Variants in CCDC192 observed in about 807,000 individuals in gnomAD.
The protein encoded by CCDC192 is coiled-coil domain containing 192, also known as coiled-coil domain-containing protein 192.
chr5:127,767,091 G>A (rs563074082), intron 3 of CCDC192, among the ~76,000 whole-genome samples: 6 of 152,300 alleles, frequency 3.9e-5, no homozygotes, highest in African/African-American at 1.4e-4. Context: ...CCCCAAACTG[G>A]AAAGTAGAGA....
chr5:127,779,505 C>T (rs561258435), intron 3 of CCDC192, among the ~76,000 whole-genome samples: 11 of 151,258 alleles, frequency 7.3e-5, no homozygotes, highest in East Asian at 3.9e-4. Context: ...CTGTGTTAGC[C>T]GGGACAGTCT....
At chr5:127,721,147 G>A (rs1453936162) in intron 2 of CCDC192, among the ~76,000 whole-genome samples, 2 of 152,188 alleles carry the variant, frequency 1.3e-5, no homozygotes, top group Non-Finnish European at 2.9e-5. Flanking sequence ...TGGCTGGGCT[G>A]CAAATTTTCC....
At chr5:127,781,388 G>A (rs540168552) in intron 3 of CCDC192, among the ~76,000 whole-genome samples, 2 of 152,104 alleles carry the variant, frequency 1.3e-5, no homozygotes, top group East Asian at 1.9e-4. Flanking sequence ...TATTTTGATG[G>A]GAATTGTGTT....
At chr5:127,801,268 G>A (rs1249121085) in intron 5 of CCDC192, among the ~76,000 whole-genome samples, 1 of 152,186 alleles carries the variant, frequency 6.6e-6, no homozygotes, top group Non-Finnish European at 1.5e-5. Context: ...ATAACTTGAA[G>A]TATTAATAAG....
In CCDC192 at chr5:127,920,705, C is replaced by T. The variant is rs570891695; in HGVS notation, c.536-20477C>T. Reference sequence around the variant, plus strand: ...GGATTACAGGCATGAGCCACCGCGCCCGGCTGCTAAAGAGGTATTAATAAG... The same window carrying T: ...GGATTACAGGCATGAGCCACCGCGCTCGGCTGCTAAAGAGGTATTAATAAG... On this transcript the variant is annotated intron_variant, in intron 6 of 6. Transcript: ENST00000514853. Among the ~76,000 whole-genome samples, 30 of 152,122 alleles carry T rather than the reference C, an allele frequency of 2.0e-4. No individual in the cohort carries two copies. The South Asian group carries it at 6.0e-3, about 31-fold the overall frequency.
At chr5:127,910,696 A>G (rs1753322139) in intron 6 of CCDC192, among the ~76,000 whole-genome samples, 1 of 152,198 alleles carries the variant, frequency 6.6e-6, no homozygotes, top group African/African-American at 2.4e-5. Context: ...AGCCACAGGA[A>G]AGGTGGTATC....
At chr5:127,812,055 C>G (rs1758111857) in intron 5 of CCDC192, among the ~76,000 whole-genome samples, 1 of 152,140 alleles carries the variant, frequency 6.6e-6, no homozygotes, top group Non-Finnish European at 1.5e-5. Flanking sequence ...ATTGCTTGAT[C>G]CTGAGGCTTA....
chr5:127,800,391 AAAAAAAAAAACAAC>A (rs1483885020), intron 5 of CCDC192, among the ~76,000 whole-genome samples: 1 of 139,326 alleles, frequency 7.2e-6, no homozygotes, highest in African/African-American at 2.5e-5. Context: ...AAAAAAAAAA[AAAAAAAAAAACAAC>A]AACAACAAAA....
At chr5:127,930,859 C>T (rs1221204672) in intron 6 of CCDC192, among the ~76,000 whole-genome samples, 2 of 152,206 alleles carry the variant, frequency 1.3e-5, no homozygotes, top group Non-Finnish European at 1.5e-5. Flanking sequence ...TGGGGCCTAC[C>T]CCCACCTTCC....
intron 6 of CCDC192, among the ~76,000 whole-genome samples, chr5:127,895,091 C>G (rs1752842475): frequency 6.6e-6 from 1 of 152,134 alleles, no homozygotes; most frequent in Admixed American, 6.5e-5. Flanking sequence ...ACAGATCATT[C>G]CATCACCTAG....
chr5:127,786,463 A>G (rs1756542585), intron 3 of CCDC192: 2 of 630,312 alleles, frequency 3.2e-6, no homozygotes, highest in Non-Finnish European at 5.9e-6. Flanking sequence ...ACAGTTTTGT[A>G]TTGATGGTTT....
At chr5:127,936,491 C>A (rs1452610132) in intron 6 of CCDC192, among the ~76,000 whole-genome samples, 1 of 152,170 alleles carries the variant, frequency 6.6e-6, no homozygotes, top group Non-Finnish European at 1.5e-5. Context: ...TCTAACCCTG[C>A]CCAATTCCCA....
rs532497502 is a variant in CCDC192, at chr5:127,794,474, G to A, written c.223-2629G>A. Among the ~76,000 whole-genome samples the A allele has an allele frequency of 1.4e-3, 206 of 152,240 alleles. No homozygotes were observed. The South Asian group carries it at 0.015, about 11-fold the overall frequency. ...TACTAAAATAAATTTGAAAACAAAA[G>A]GCTCTGCAGACTGTCTGACATGTAG... is the stretch of plus-strand genomic sequence containing the variant. On this transcript the variant is annotated intron_variant, in intron 3 of 6. Transcript: ENST00000514853.
chr5:127,922,447 G>C (rs1375240997), intron 6 of CCDC192, among the ~76,000 whole-genome samples: 1 of 152,122 alleles, frequency 6.6e-6, no homozygotes, highest in Non-Finnish European at 1.5e-5. Flanking sequence ...AATGTTGAAA[G>C]TTTAAACATG....
At chr5:127,724,791 G>A (rs1752220712) in intron 2 of CCDC192, among the ~76,000 whole-genome samples, 2 of 149,546 alleles carry the variant, frequency 1.3e-5, no homozygotes, top group Admixed American at 1.4e-4. Context: ...GGAGGTTGCA[G>A]TGAGCCGAGA....
chr5:127,874,965 G>A (rs546818823), intron 5 of CCDC192, among the ~76,000 whole-genome samples: 5 of 151,176 alleles, frequency 3.3e-5, no homozygotes, highest in East Asian at 1.9e-4. Flanking sequence ...AGGCATTCCT[G>A]TTCATTACTG....
At chr5:127,897,880 T>A (rs1051020153) in intron 6 of CCDC192, among the ~76,000 whole-genome samples, 4 of 152,184 alleles carry the variant, frequency 2.6e-5, no homozygotes, top group Non-Finnish European at 5.9e-5. Flanking sequence ...GCAGAAGTAA[T>A]TAATTGACCT....
intron 5 of CCDC192, among the ~76,000 whole-genome samples, chr5:127,843,517 A>C (rs1750391472): frequency 6.7e-6 from 1 of 150,172 alleles, no homozygotes; most frequent in Non-Finnish European, 1.5e-5. Context: ...GGCTTACTAC[A>C]ACCTCTACCT....
chr5:127,742,508 G>A (rs560123765), intron 2 of CCDC192, among the ~76,000 whole-genome samples: 16 of 152,166 alleles, frequency 1.1e-4, no homozygotes, highest in African/African-American at 3.9e-4. Context: ...TAGGTCCAGG[G>A]GAATTCAGGG....
Sources: allele counts gnomAD v4.1 joint callset (sites outside exome capture counted in the v4.1 genomes callset), GRCh38; gene constraint gnomAD v4.1.1; transcripts MANE v1.5; gene names NCBI Gene and HGNC (gene_info 2026-07-23, HGNC 2026-07-21).